Variants in CEP15 observed in about 807,000 individuals in gnomAD.
CEP15 encodes the protein centrosomal protein 15, also known as centrosomal protein 15 kDa.
the CEP15 span, chr3:62,320,460 CT>C: frequency 6.2e-7 from 1 of 1,609,598 alleles, no homozygotes; most frequent in South Asian, 1.1e-5. Flanking sequence ...TTTATGACAG[CT>C]TTGATTAAAG....
the CEP15 span, among the ~76,000 whole-genome samples, chr3:62,327,103 G>T: frequency 6.6e-6 from 1 of 152,090 alleles, no homozygotes; most frequent in Non-Finnish European, 1.5e-5. Context: ...TATGTGTAAA[G>T]GAATTAGGTC....
chr3:62,333,278 A>G, the CEP15 span: 1 of 1,610,572 alleles, frequency 6.2e-7, no homozygotes. This position sits in a 1 kb window ranked among gnomAD's most constrained non-coding sequence, Gnocchi z 4.0. Flanking sequence ...CATCAGTAGA[A>G]GAATATATTC....
the CEP15 span, chr3:62,333,279 G>T: frequency 6.2e-7 from 1 of 1,610,350 alleles, no homozygotes; most frequent in South Asian, 1.1e-5. This position sits in a 1 kb window ranked among gnomAD's most constrained non-coding sequence, Gnocchi z 4.0. Flanking sequence ...ATCAGTAGAA[G>T]AATATATTCC....
the CEP15 span, chr3:62,321,906 A>T: frequency 1.3e-6 from 2 of 1,549,162 alleles, no homozygotes; most frequent in South Asian, 1.2e-5. The surrounding 1 kb of genome is among the most constrained non-coding windows in gnomAD (Gnocchi z 4.1). Flanking sequence ...TTTTAACTCT[A>T]TATAATCTTC....
chr3:62,320,386 T>A, the CEP15 span: 1 of 1,069,454 alleles, frequency 9.4e-7, no homozygotes. Flanking sequence ...ATTAAGGTAC[T>A]AAAATAATCA....
At chr3:62,321,093 C>T in the CEP15 span, among the ~76,000 whole-genome samples, 19 of 152,228 alleles carry the variant, frequency 1.2e-4, no homozygotes, top group African/African-American at 4.6e-4. This position sits in a 1 kb window ranked among gnomAD's most constrained non-coding sequence, Gnocchi z 4.1. Flanking sequence ...GATTTTAATT[C>T]CACCTTTAAG....
chr3:62,328,619 T>G, the CEP15 span, among the ~76,000 whole-genome samples: 1 of 152,198 alleles, frequency 6.6e-6, no homozygotes, highest in Non-Finnish European at 1.5e-5. Flanking sequence ...AAGCATTGCC[T>G]CCCTTTTCGC....
At chr3:62,322,279 C>G in the CEP15 span, 3 of 418,352 alleles carry the variant, frequency 7.2e-6, no homozygotes, top group Non-Finnish European at 1.3e-5. This position sits in a 1 kb window ranked among gnomAD's most constrained non-coding sequence, Gnocchi z 5.5. Context: ...TGTTTGCAAT[C>G]AACTAGAAAA....
At chr3:62,321,586 G>A in the CEP15 span, among the ~76,000 whole-genome samples, 1 of 151,958 alleles carries the variant, frequency 6.6e-6, no homozygotes, top group Non-Finnish European at 1.5e-5. This position sits in a 1 kb window ranked among gnomAD's most constrained non-coding sequence, Gnocchi z 4.1. Context: ...TGTACAAAGG[G>A]ATATGTATTA....
At chr3:62,330,936 G>C in the CEP15 span, among the ~76,000 whole-genome samples, 1 of 152,020 alleles carries the variant, frequency 6.6e-6, no homozygotes, top group Non-Finnish European at 1.5e-5. Context: ...CTGAGTATCT[G>C]ACTATTTTTG....
chr3:62,320,553 T>C, the CEP15 span: 1 of 1,560,160 alleles, frequency 6.4e-7, no homozygotes, highest in Non-Finnish European at 8.8e-7. Context: ...ATGATTCAGA[T>C]ATAGAAATTG....
chr3:62,331,430 A>T, the CEP15 span: 1 of 1,565,474 alleles, frequency 6.4e-7, no homozygotes, highest in Non-Finnish European at 8.8e-7. Context: ...ATGTAAAAAG[A>T]GAGACCCTAT....
chr3:62,323,575 G>GACTT, the CEP15 span, among the ~76,000 whole-genome samples: 1 of 152,134 alleles, frequency 6.6e-6, no homozygotes. Context: ...GGAAAATATA[G>GACTT]ACTTATATAA....
chr3:62,321,366 T>C, the CEP15 span, among the ~76,000 whole-genome samples: 1 of 152,180 alleles, frequency 6.6e-6, no homozygotes. The surrounding 1 kb of genome is among the most constrained non-coding windows in gnomAD (Gnocchi z 4.1). Context: ...TATGCATACA[T>C]ACACACAGCC....
the CEP15 span, chr3:62,321,965 A>G: frequency 1.9e-6 from 3 of 1,605,816 alleles, no homozygotes; most frequent in Admixed American, 1.7e-5. This position sits in a 1 kb window ranked among gnomAD's most constrained non-coding sequence, Gnocchi z 4.1. Flanking sequence ...CAACAAATGG[A>G]GAATAAATTG....
the CEP15 span, chr3:62,323,791 A>C: frequency 1.3e-5 from 2 of 152,180 alleles, no homozygotes; most frequent in African/African-American, 4.8e-5. Flanking sequence ...ATATATTCCT[A>C]CTGTAAAAAA....
At chr3:62,320,554 A>T in the CEP15 span, 1 of 1,556,660 alleles carries the variant, frequency 6.4e-7, no homozygotes, top group Non-Finnish European at 8.8e-7. Context: ...TGATTCAGAT[A>T]TAGAAATTGG....
the CEP15 span, among the ~76,000 whole-genome samples, chr3:62,328,451 C>T: frequency 1.3e-5 from 2 of 152,174 alleles, no homozygotes; most frequent in African/African-American, 2.4e-5. Flanking sequence ...TGTAGCTCTT[C>T]TCTGTGTGGT....
At chr3:62,329,884 A>T in the CEP15 span, among the ~76,000 whole-genome samples, 1 of 152,336 alleles carries the variant, frequency 6.6e-6, no homozygotes, top group East Asian at 1.9e-4. Context: ...TTATAAAGGT[A>T]AAAAACATGT....
Sources: allele counts gnomAD v4.1 joint callset (sites outside exome capture counted in the v4.1 genomes callset), GRCh38; gene constraint gnomAD v4.1.1; non-coding constraint Gnocchi (gnomAD v3.1); transcripts MANE v1.5; gene names NCBI Gene and HGNC (gene_info 2026-07-23, HGNC 2026-07-21).